The following BANK1 variants were observed in gnomAD, a reference collection of about 807,000 sequenced individuals.
The protein encoded by BANK1 is B cell scaffold protein with ankyrin repeats 1, also known as B-cell scaffold protein with ankyrin repeats.
A neutral mutation model predicts 94.5 loss-of-function variants in BANK1; 95 were observed. That is an observed-to-expected ratio of 1.00 (90% confidence interval 0.85 to 1.19). BANK1 has a LOEUF of 1.19. Among genes scored for constraint, BANK1 ranks in the 50% most tolerant of loss-of-function variants. The probability of loss-of-function intolerance (pLI) is 0.00; values close to 1 mark genes in which losing one functional copy is unlikely to be tolerated. For missense variants in BANK1, 987 were observed against 932.2 expected, an observed-to-expected ratio of 1.06 and a Z score of -0.77; for synonymous variants, 334 against 308.4, an observed-to-expected ratio of 1.08 and a Z score of -0.87.
At chr4:101,906,713 C>T (rs1004816537) in intron 6 of BANK1, among the ~76,000 whole-genome samples, 2 of 152,196 alleles carry the variant, frequency 1.3e-5, no homozygotes, top group East Asian at 3.8e-4. Flanking sequence ...ACCATTGTTA[C>T]CCTGATGCTT....
chr4:101,826,483 A>C (rs1726371288), intron 1 of BANK1, among the ~76,000 whole-genome samples: 1 of 151,964 alleles, frequency 6.6e-6, no homozygotes, highest in Non-Finnish European at 1.5e-5. Context: ...ATGCTTGATA[A>C]TTTTAATTAT....
chr4:101,871,459 G>A (rs565201714), intron 5 of BANK1, among the ~76,000 whole-genome samples: 1 of 151,992 alleles, frequency 6.6e-6, no homozygotes, highest in Non-Finnish European at 1.5e-5. Flanking sequence ...AAGTTTTCAT[G>A]AAGCTTTATG....
intron 14 of BANK1, 75 bp from the exon 15 acceptor site, chr4:102,072,259 AGAAATCATTTT>A (rs2148968406): frequency 8.6e-7 from 1 of 1,159,040 alleles, no homozygotes; most frequent in South Asian, 1.4e-5. Context: ...TTACCTTTGT[AGAAATCATTTT>A]TAAGAAGTAC....
intron 7 of BANK1, among the ~76,000 whole-genome samples, chr4:102,020,727 T>C (rs1578460293): frequency 6.6e-6 from 1 of 152,172 alleles, no homozygotes; most frequent in South Asian, 2.1e-4. Context: ...TCAATTAATT[T>C]TTTAAGAACA....
intron 7 of BANK1, among the ~76,000 whole-genome samples, chr4:102,004,144 G>A (rs927315587): frequency 1.3e-5 from 2 of 152,008 alleles, no homozygotes; most frequent in Non-Finnish European, 2.9e-5. Flanking sequence ...AATTACCACA[G>A]AGGCAGGAAC....
chr4:101,984,532 G>A (rs1412902183), intron 7 of BANK1, among the ~76,000 whole-genome samples: 1 of 152,064 alleles, frequency 6.6e-6, no homozygotes. Flanking sequence ...CAATAAAAGT[G>A]CTAAGTAGTT....
At chr4:101,836,781 C>A (rs1726846106) in intron 2 of BANK1, among the ~76,000 whole-genome samples, 1 of 152,144 alleles carries the variant, frequency 6.6e-6, no homozygotes, top group South Asian at 2.1e-4. Context: ...GCTCTGTACT[C>A]TTCAACAGTA....
chr4:101,898,352 A>G (rs1476300122), intron 6 of BANK1, among the ~76,000 whole-genome samples: 3 of 152,000 alleles, frequency 2.0e-5, no homozygotes, highest in African/African-American at 7.2e-5. Flanking sequence ...AGGGAATTGG[A>G]AAGAGAAATG....
chr4:101,854,696 T>C (rs1727614984), intron 2 of BANK1, among the ~76,000 whole-genome samples: 1 of 152,120 alleles, frequency 6.6e-6, no homozygotes, highest in South Asian at 2.1e-4. Flanking sequence ...TTAATAACCG[T>C]CATGGAAAAC....
chr4:101,990,449 C>G (rs1383741314), intron 7 of BANK1, among the ~76,000 whole-genome samples: 2 of 152,184 alleles, frequency 1.3e-5, no homozygotes, highest in African/African-American at 4.8e-5. Flanking sequence ...TTAATTTTCA[C>G]CATGGTCACG....
chr4:101,926,714 G>A, intron 7 of BANK1, among the ~76,000 whole-genome samples: 1 of 151,832 alleles, frequency 6.6e-6, no homozygotes, highest in East Asian at 1.9e-4. Context: ...GAGATGGGAG[G>A]GGGAACAATT....
At position 101,939,010 on chromosome 4, in the gene BANK1, C is replaced by T. The variant is rs189349430; in HGVS notation, c.1206+20821C>T. ...TATCACCCCTCTACCTGAGACGCAG[C>T]ATTTCCTGAAATACTATCTGATGAA... is the stretch of plus-strand genomic sequence containing the variant. On this transcript the variant is annotated intron_variant, in intron 7 of 16. Transcript: ENST00000322953. 1.6e-4 allele frequency among the ~76,000 whole-genome samples: 24 copies of T among 151,820 alleles called. No individual in the cohort carries two copies. The East Asian group carries it at 4.5e-3, about 28-fold the overall frequency.
At chr4:101,856,037 C>G (rs957798802) in intron 3 of BANK1, among the ~76,000 whole-genome samples, 3 of 152,120 alleles carry the variant, frequency 2.0e-5, no homozygotes, top group Non-Finnish European at 4.4e-5. Context: ...GCCAGAGATA[C>G]AGGAGAGCGT....
chr4:101,911,176 G>A (rs1578393961), intron 6 of BANK1, among the ~76,000 whole-genome samples: 1 of 152,142 alleles, frequency 6.6e-6, no homozygotes, highest in Non-Finnish European at 1.5e-5. Context: ...AGCTCCAGTG[G>A]CCACTTTGCT....
In BANK1 at chr4:102,066,314, T is replaced by C. The variant is rs185942338; in HGVS notation, c.2212+3176T>C. ...CTCTGTCGCCCAGGCTGGAGTGCAGTGGCACGATCTCGGCTCACTGCAAGC... is the reference window on the plus strand; with the variant it reads ...CTCTGTCGCCCAGGCTGGAGTGCAGCGGCACGATCTCGGCTCACTGCAAGC... On this transcript the variant is annotated intron_variant, in intron 13 of 16. Transcript: ENST00000322953. Among the ~76,000 whole-genome samples the C allele has an allele frequency of 5.7e-3, 862 of 151,060 alleles. 10 individuals are homozygous for C. The highest frequency in any genetic ancestry group is 0.019 in the African/African-American group (801 of 41,202).
intron 7 of BANK1, among the ~76,000 whole-genome samples, chr4:101,944,999 A>C (rs1004350226): frequency 4.6e-5 from 7 of 151,990 alleles, no homozygotes; most frequent in African/African-American, 1.7e-4. Flanking sequence ...TTCTAAAAAG[A>C]TGCTTCAGTT....
intron 1 of BANK1, among the ~76,000 whole-genome samples, chr4:101,820,441 C>A (rs560511227): frequency 5.7e-4 from 87 of 152,154 alleles, no homozygotes; most frequent in Admixed American, 1.4e-3. Context: ...AAGGCAATTG[C>A]CTCAAGTGAA....
intron 7 of BANK1, among the ~76,000 whole-genome samples, chr4:101,969,083 TTTA>T (rs1428309659): frequency 1.3e-5 from 2 of 152,048 alleles, no homozygotes; most frequent in East Asian, 3.9e-4. Context: ...CTCAGTATGC[TTTA>T]GTATGACTTG....
intron 7 of BANK1, among the ~76,000 whole-genome samples, chr4:101,986,381 A>G (rs1725482362): frequency 6.6e-6 from 1 of 152,006 alleles, no homozygotes; most frequent in Admixed American, 6.6e-5. Flanking sequence ...TTTCTGTCTT[A>G]CTCCTTACTT....
Sources: gnomAD v4.1 joint callset for allele counts (sites outside exome capture counted in the v4.1 genomes callset) on GRCh38, gnomAD v4.1.1 for gene constraint, MANE v1.5 for transcripts, NCBI Gene and HGNC (gene_info 2026-07-23, HGNC 2026-07-21) for gene names.